ANKS1B: variants seen among roughly 807,000 people sequenced by gnomAD.
ANKS1B encodes ankyrin repeat and sterile alpha motif domain-containing protein 1B.
In ANKS1B, 36 loss-of-function variants were observed where a neutral mutation model predicts 148.3. The observed-to-expected ratio is 0.24, with a 90% CI of 0.19 to 0.32. The LOEUF is 0.32. ANKS1B is among the 10% of genes least tolerant of loss of function. The pLI, the probability that ANKS1B is intolerant of heterozygous loss-of-function variation, is 1.00. For synonymous variants in ANKS1B, 542 were observed against 560.8 expected (o/e 0.97, Z 0.47); for missense variants, 1,157 against 1,542.6 (o/e 0.75, Z 4.19).
intron 17 of ANKS1B, among the ~76,000 whole-genome samples, chr12:99,005,818 G>A (rs976195374): frequency 6.6e-6 from 1 of 152,146 alleles, no homozygotes; most frequent in African/African-American, 2.4e-5. Context: ...AAGCAGATGT[G>A]AGTCAAAAAC....
chr12:99,303,145 T>C (rs2081900998), intron 12 of ANKS1B, among the ~76,000 whole-genome samples: 1 of 152,160 alleles, frequency 6.6e-6, no homozygotes. Context: ...TGATTAGAAA[T>C]GTACACAGCA....
At chr12:99,179,428 C>CAAAA (rs59979808) in intron 14 of ANKS1B, among the ~76,000 whole-genome samples, 4 of 72,950 alleles carry the variant, frequency 5.5e-5, no homozygotes, top group African/African-American at 1.1e-4. Flanking sequence ...GACTCTGTCT[C>CAAAA]AAAAAAAAAA....
chr12:99,373,345 A>T (rs1274288680), intron 12 of ANKS1B, among the ~76,000 whole-genome samples: 1 of 152,186 alleles, frequency 6.6e-6, no homozygotes, highest in Non-Finnish European at 1.5e-5. Context: ...GGGAGAGGAA[A>T]AAAGGAAAGA....
chr12:99,582,950 C>G (rs2097584780), intron 9 of ANKS1B, among the ~76,000 whole-genome samples: 2 of 152,102 alleles, frequency 1.3e-5, no homozygotes, highest in African/African-American at 4.8e-5. Flanking sequence ...TCCTGAAATA[C>G]CTGTCCCCCT....
intron 10 of ANKS1B, among the ~76,000 whole-genome samples, chr12:99,454,034 CAA>C (rs2095804007): frequency 6.6e-6 from 1 of 152,012 alleles, no homozygotes; most frequent in Admixed American, 6.6e-5. Context: ...GCATTCCAGG[CAA>C]AGAAAACAGA....
At chr12:99,837,015 A>G (rs1362919738) in intron 1 of ANKS1B, among the ~76,000 whole-genome samples, 1 of 152,190 alleles carries the variant, frequency 6.6e-6, no homozygotes, top group African/African-American at 2.4e-5. Flanking sequence ...GGTTGCAGAT[A>G]GACTTACATT....
intron 1 of ANKS1B, among the ~76,000 whole-genome samples, chr12:99,853,276 C>T (rs773709836): frequency 6.6e-6 from 1 of 152,108 alleles, no homozygotes; most frequent in Non-Finnish European, 1.5e-5. Context: ...TGGAGGGCAA[C>T]CAACACAAAA....
chr12:98,783,126 GATCT>G (rs2098753459), intron 22 of ANKS1B, among the ~76,000 whole-genome samples: 1 of 152,264 alleles, frequency 6.6e-6, no homozygotes, highest in African/African-American at 2.4e-5. Flanking sequence ...CTCCTGGACA[GATCT>G]ATCTGTAATG....
intron 17 of ANKS1B, among the ~76,000 whole-genome samples, chr12:98,933,459 A>G (rs1263184177): frequency 1.3e-5 from 2 of 152,090 alleles, no homozygotes; most frequent in African/African-American, 4.8e-5. Flanking sequence ...CTGTGAATAT[A>G]AGAGTGCTAA....
intron 8 of ANKS1B, among the ~76,000 whole-genome samples, chr12:99,666,101 G>GT (rs910840912): frequency 3.3e-5 from 5 of 152,074 alleles, no homozygotes; most frequent in Non-Finnish European, 5.9e-5. Flanking sequence ...GTGCCCTGCA[G>GT]TTTTTTTGAA....
At chr12:99,770,824 T>C (rs1416893861) in intron 8 of ANKS1B, among the ~76,000 whole-genome samples, 2 of 152,160 alleles carry the variant, frequency 1.3e-5, no homozygotes, top group Non-Finnish European at 2.9e-5. Context: ...ATATATACCA[T>C]CTGCTTTTCT....
intron 12 of ANKS1B, among the ~76,000 whole-genome samples, chr12:99,250,280 G>T (rs1177746500): frequency 6.6e-6 from 1 of 152,188 alleles, no homozygotes; most frequent in African/African-American, 2.4e-5. Context: ...CCAGATGAAG[G>T]AGGTAATTGG....
intron 10 of ANKS1B, among the ~76,000 whole-genome samples, chr12:99,486,475 T>TGC (rs1442584889): frequency 2.6e-5 from 4 of 151,716 alleles, no homozygotes; most frequent in Non-Finnish European, 4.4e-5. Context: ...TATTTATTTA[T>TGC]TTATTTATTT....
intron 17 of ANKS1B, among the ~76,000 whole-genome samples, chr12:98,858,946 C>T (rs1018168788): frequency 6.6e-6 from 1 of 152,218 alleles, no homozygotes; most frequent in African/African-American, 2.4e-5. Context: ...TATCGATTTA[C>T]ATTAAGAAGA....
intron 20 of ANKS1B, among the ~76,000 whole-genome samples, chr12:98,804,140 A>G (rs1270437017): frequency 3.3e-5 from 5 of 152,224 alleles, no homozygotes; most frequent in African/African-American, 1.2e-4. Flanking sequence ...GATTTTCCCT[A>G]GGTGCTAAGG....
At chr12:99,823,599 C>T (rs934916535) in intron 2 of ANKS1B, among the ~76,000 whole-genome samples, 4 of 152,192 alleles carry the variant, frequency 2.6e-5, no homozygotes, top group African/African-American at 9.7e-5. Context: ...AGCCACTGCA[C>T]CTGGCCTCAA....
At chr12:99,399,298 G>C (rs912594355) in intron 12 of ANKS1B, among the ~76,000 whole-genome samples, 25 of 152,136 alleles carry the variant, frequency 1.6e-4, no homozygotes, top group African/African-American at 5.5e-4. Flanking sequence ...CGGCTTCAAA[G>C]CATCTCTTAA....
intron 14 of ANKS1B, among the ~76,000 whole-genome samples, chr12:99,231,463 C>G (rs973468189): frequency 4.6e-5 from 7 of 152,070 alleles, no homozygotes; most frequent in African/African-American, 1.7e-4. Context: ...CAACAAGCTA[C>G]TTATTCTTCT....
rs555765682 is a variant in ANKS1B, at chr12:98,965,683, C to T, written c.2778+87474G>A. On this transcript the variant is annotated intron_variant, in intron 17 of 26. Coordinates refer to ENST00000683438, the MANE Select transcript of ANKS1B (RefSeq NM_001352186.2). ...CTACAGTAACCAAAACAGCATGGTGCTGGTACCAAAACAGAGATAGAGACC... is the reference window on the plus strand; with the variant it reads ...CTACAGTAACCAAAACAGCATGGTGTTGGTACCAAAACAGAGATAGAGACC... Among the ~76,000 whole-genome samples the T allele has an allele frequency of 8.5e-5, 13 of 152,268 alleles. No homozygotes were observed. The East Asian group carries it at 2.5e-3, about 29-fold the overall frequency.
Sources: allele counts gnomAD v4.1 joint callset (sites outside exome capture counted in the v4.1 genomes callset), GRCh38; gene constraint gnomAD v4.1.1; transcripts MANE v1.5; gene names NCBI Gene and HGNC (gene_info 2026-07-23, HGNC 2026-07-21).